The following BRINP3 variants were observed in gnomAD, a reference collection of about 807,000 sequenced individuals.
BRINP3 encodes BMP/retinoic acid-inducible neural-specific protein 3.
In BRINP3, 19 loss-of-function variants were observed where a neutral mutation model predicts 71.0. The observed-to-expected ratio is 0.27, with a 90% CI of 0.19 to 0.39. The LOEUF is 0.39. BRINP3 is among the 10% of genes least tolerant of loss of function. The pLI is 1.00. For missense variants in BRINP3, 959 were observed against 940.8 expected (o/e 1.02, Z -0.25); for synonymous variants, 380 against 337.7 (o/e 1.13, Z -1.37).
chr1:190,236,909 A>T (rs542001291), intron 4 of BRINP3, among the ~76,000 whole-genome samples: 1 of 151,878 alleles, frequency 6.6e-6, no homozygotes, highest in Non-Finnish European at 1.5e-5. Context: ...CCTTTTTTAG[A>T]AAGTTTTCTA....
intron 2 of BRINP3, among the ~76,000 whole-genome samples, chr1:190,442,864 A>AAAATAGTG (rs1674922953): frequency 6.6e-6 from 1 of 150,696 alleles, no homozygotes; most frequent in Admixed American, 6.6e-5. Flanking sequence ...CCTTAACAAT[A>AAAATAGTG]AAATAGTGAA....
chr1:190,231,734 A>AT (rs1445572955), intron 5 of BRINP3, among the ~76,000 whole-genome samples: 1 of 151,834 alleles, frequency 6.6e-6, no homozygotes, highest in Non-Finnish European at 1.5e-5. Context: ...TTTTTGAAAA[A>AT]TGCCTGCTCT....
At chr1:190,415,285 A>T (rs1040971547) in intron 2 of BRINP3, among the ~76,000 whole-genome samples, 1 of 152,208 alleles carries the variant, frequency 6.6e-6, no homozygotes, top group African/African-American at 2.4e-5. Context: ...CAATCAGGAT[A>T]TGAATTCATA....
At chr1:190,150,582 A>G (rs1656304739) in intron 7 of BRINP3, among the ~76,000 whole-genome samples, 1 of 152,158 alleles carries the variant, frequency 6.6e-6, no homozygotes, top group African/African-American at 2.4e-5. Flanking sequence ...CTTATTATTT[A>G]TTAGTACTAT....
intron 2 of BRINP3, among the ~76,000 whole-genome samples, chr1:190,393,078 T>C (rs762102842): frequency 6.6e-6 from 1 of 151,604 alleles, no homozygotes; most frequent in Non-Finnish European, 1.5e-5. Flanking sequence ...ATTAAGGGCA[T>C]GTATCTAGTA....
intron 6 of BRINP3, among the ~76,000 whole-genome samples, chr1:190,182,012 G>C (rs1323814226): frequency 2.6e-5 from 4 of 151,864 alleles, no homozygotes; most frequent in Non-Finnish European, 5.9e-5. Context: ...ATTAGCACTT[G>C]AAAAATGTCA....
chr1:190,111,411 T>C (rs999689467), intron 7 of BRINP3, among the ~76,000 whole-genome samples: 2 of 152,108 alleles, frequency 1.3e-5, no homozygotes, highest in African/African-American at 2.4e-5. Context: ...AGCAACGTGA[T>C]ATGTAATTAT....
At chr1:190,465,604 C>T (rs1676690751) in intron 1 of BRINP3, among the ~76,000 whole-genome samples, 1 of 151,884 alleles carries the variant, frequency 6.6e-6, no homozygotes, top group Non-Finnish European at 1.5e-5. Flanking sequence ...TAGCCAGAAT[C>T]CCCTCTTACC....
intron 4 of BRINP3, among the ~76,000 whole-genome samples, chr1:190,250,466 C>A (rs954953941): frequency 2.0e-5 from 3 of 151,886 alleles, no homozygotes; most frequent in African/African-American, 7.3e-5. Flanking sequence ...TGCTGTAGTA[C>A]TTTTGGGTCT....
rs115899209 is a variant in BRINP3, at chr1:190,336,102, A to G, written c.237-54352T>C. On this transcript the variant is annotated intron_variant, in intron 2 of 7. Coordinates refer to ENST00000367462, the MANE Select transcript of BRINP3 (RefSeq NM_199051.3). Reference sequence around the variant, plus strand: ...TTTCCCATAACGAAATGAAATGGTTACAATAAGTCAGTATTACAACTCCTT... The same window carrying G: ...TTTCCCATAACGAAATGAAATGGTTGCAATAAGTCAGTATTACAACTCCTT... Among the ~76,000 whole-genome samples, 1,408 of 152,156 alleles carry G rather than the reference A, an allele frequency of 9.3e-3. 13 individuals are homozygous for G. Among genetic ancestry groups the G allele is most frequent in the African/African-American group, 0.031 (1,274 of 41,558 alleles).
intron 1 of BRINP3, among the ~76,000 whole-genome samples, chr1:190,463,990 T>C (rs918755380): frequency 6.6e-6 from 1 of 151,878 alleles, no homozygotes; most frequent in African/African-American, 2.4e-5. Context: ...AACAAGAGTA[T>C]GGATAAATAA....
intron 2 of BRINP3, among the ~76,000 whole-genome samples, chr1:190,443,242 A>G (rs1674954404): frequency 6.6e-6 from 1 of 151,924 alleles, no homozygotes; most frequent in South Asian, 2.1e-4. Flanking sequence ...AGTCTCTACT[A>G]AAAATATAAA....
intron 2 of BRINP3, among the ~76,000 whole-genome samples, chr1:190,285,596 G>T (rs796912027): frequency 3.9e-5 from 6 of 152,036 alleles, no homozygotes; most frequent in African/African-American, 9.6e-5. Flanking sequence ...TATTTGATTT[G>T]CTTATTTTCT....
At chr1:190,426,262 G>C (rs150088212) in intron 2 of BRINP3, among the ~76,000 whole-genome samples, 48 of 151,774 alleles carry the variant, frequency 3.2e-4, no homozygotes, top group Middle Eastern at 6.8e-3. Context: ...TTTTATATGA[G>C]ACTTGAGCAT....
intron 2 of BRINP3, among the ~76,000 whole-genome samples, chr1:190,375,927 A>G (rs929914605): frequency 7.2e-5 from 11 of 151,978 alleles, no homozygotes; most frequent in African/African-American, 2.7e-4. Flanking sequence ...TTAGATTTAA[A>G]TGAAAATGTA....
intron 6 of BRINP3, among the ~76,000 whole-genome samples, chr1:190,161,206 A>G (rs2102460704): frequency 6.6e-6 from 1 of 152,140 alleles, no homozygotes; most frequent in Middle Eastern, 3.6e-3. Context: ...CTTCTTTTAA[A>G]CGTCTTTCAG....
At chr1:190,154,606 G>T (rs1238967560) in intron 7 of BRINP3, among the ~76,000 whole-genome samples, 1 of 152,076 alleles carries the variant, frequency 6.6e-6, no homozygotes, top group African/African-American at 2.4e-5. Flanking sequence ...ATTCCTTACT[G>T]ATACATACTT....
chr1:190,373,166 G>A (rs559009281), intron 2 of BRINP3, among the ~76,000 whole-genome samples: 19 of 152,186 alleles, frequency 1.2e-4, no homozygotes, highest in African/African-American at 3.1e-4. Flanking sequence ...ATGGTGGGTT[G>A]ATCGCCTGAG....
At chr1:190,294,019 A>C (rs1177264545) in intron 2 of BRINP3, among the ~76,000 whole-genome samples, 1 of 151,820 alleles carries the variant, frequency 6.6e-6, no homozygotes, top group Admixed American at 6.6e-5. Flanking sequence ...TAGTCTATTT[A>C]TATTCAGTGT....
Sources: allele counts gnomAD v4.1 joint callset (sites outside exome capture counted in the v4.1 genomes callset), GRCh38; gene constraint gnomAD v4.1.1; transcripts MANE v1.5; gene names NCBI Gene and HGNC (gene_info 2026-07-23, HGNC 2026-07-21).